FGF13: variants seen among roughly 807,000 people sequenced by gnomAD.
FGF13 encodes fibroblast growth factor 13.
A neutral mutation model predicts 19.5 loss-of-function variants in FGF13; 2 were observed. The observed-to-expected ratio is 0.10, with a 90% confidence interval of 0.04 to 0.32. The LOEUF (loss-of-function observed/expected upper bound fraction) is 0.32, where lower values mean the gene tolerates loss of function less well. Ranked by LOEUF, FGF13 falls within the 10% of genes least tolerant of loss-of-function variation. The pLI is 1.00. For synonymous variants in FGF13, 72 were observed against 76.9 expected, an observed-to-expected ratio of 0.94 and a Z score of 0.33; for missense variants, 113 against 192.7, an observed-to-expected ratio of 0.59 and a Z score of 2.45.
chrX:139,056,605 C>A (rs1236594886), intron 1 of FGF13, among the ~76,000 whole-genome samples: 1 of 112,253 alleles, frequency 8.9e-6, no homozygotes, highest in Non-Finnish European at 1.9e-5. Flanking sequence ...CAATAAACAT[C>A]CTTTTAAAAG....
chrX:139,142,720 A>C (rs759768926), intron 1 of FGF13, among the ~76,000 whole-genome samples: 1 of 111,947 alleles, frequency 8.9e-6, no homozygotes. Flanking sequence ...AGTTGTTGTG[A>C]GAATTAAATG....
intron 2 of FGF13, among the ~76,000 whole-genome samples, chrX:138,703,783 C>T (rs755173447): frequency 8.9e-5 from 10 of 112,344 alleles, no homozygotes; most frequent in African/African-American, 1.3e-4. Flanking sequence ...GGCCCGATCT[C>T]GGCTCACCAC....
rs144916246 is a variant in FGF13 at position 139,173,773 on chromosome X, G to A, written c.-113+29643C>T. On this transcript the variant is annotated intron_variant, in intron 1 of 2. Coordinates refer to the FGF13 transcript ENST00000421460. The stretch of plus-strand genomic sequence containing the variant: ...CTGCATAGAATTCCATGGTGTATAT[G>A]TGCCACATTTTCTTTATCCAGTCTA... Among the ~76,000 whole-genome samples, 1,058 of 111,925 alleles carry A rather than the reference G, an allele frequency of 9.5e-3. 10 individuals carry two copies. The highest frequency in any genetic ancestry group is 0.031 in the African/African-American group (960 of 30,782).
intron 1 of FGF13, among the ~76,000 whole-genome samples, chrX:139,031,614 A>G (rs775714067): frequency 8.1e-5 from 9 of 110,596 alleles, no homozygotes; most frequent in Non-Finnish European, 1.5e-4. Flanking sequence ...AATAGAATCT[A>G]AAATATGTTC....
intron 1 of FGF13, among the ~76,000 whole-genome samples, chrX:138,898,660 T>G (rs985815595): frequency 9.0e-6 from 1 of 111,021 alleles, no homozygotes; most frequent in African/African-American, 3.3e-5. Context: ...TATTGAGAGG[T>G]GATTAAATGC....
At chrX:139,034,219 C>T (rs182864480) in intron 1 of FGF13, among the ~76,000 whole-genome samples, 4 of 111,676 alleles carry the variant, frequency 3.6e-5, no homozygotes, top group Admixed American at 9.5e-5. Flanking sequence ...ACAGAAGAGA[C>T]GGATGTTCAC....
At chrX:138,833,360 T>C (rs761129864) in intron 3 of FGF13, among the ~76,000 whole-genome samples, 62 of 111,844 alleles carry the variant, frequency 5.5e-4, no homozygotes, top group Non-Finnish European at 9.8e-4. Flanking sequence ...GCGATTCTTA[T>C]TGCAGAGATC....
intron 1 of FGF13, among the ~76,000 whole-genome samples, chrX:138,982,328 G>A (rs2091967320): frequency 9.0e-6 from 1 of 111,519 alleles, no homozygotes; most frequent in Admixed American, 9.5e-5. Context: ...TTTTTTCTCT[G>A]ATTTCAAGCT....
intron 1 of FGF13, among the ~76,000 whole-genome samples, chrX:139,086,910 G>T (rs1165998269): frequency 8.9e-6 from 1 of 112,580 alleles, no homozygotes; most frequent in Admixed American, 9.4e-5. Flanking sequence ...GGGGAGAGAT[G>T]TATGTTATTA....
intron 1 of FGF13, among the ~76,000 whole-genome samples, chrX:139,202,841 G>A (rs1483804863): frequency 9.0e-6 from 1 of 111,235 alleles, no homozygotes; most frequent in African/African-American, 3.3e-5. Flanking sequence ...GACTCCCTGC[G>A]CTGCAACCTC....
At chrX:139,077,571 C>T (rs2083340971) in intron 1 of FGF13, among the ~76,000 whole-genome samples, 1 of 111,314 alleles carries the variant, frequency 9.0e-6, no homozygotes, top group Non-Finnish European at 1.9e-5. Context: ...TACATATATA[C>T]TTTTATGAGG....
At chrX:138,999,585 G>A in intron 1 of FGF13, among the ~76,000 whole-genome samples, 1 of 111,963 alleles carries the variant, frequency 8.9e-6, no homozygotes, top group East Asian at 2.8e-4. Flanking sequence ...AGAAAAACTA[G>A]AAGAAATGGA....
intron 3 of FGF13, among the ~76,000 whole-genome samples, chrX:138,809,597 G>A (rs7050052): frequency 9.0e-6 from 1 of 111,181 alleles, no homozygotes; most frequent in African/African-American, 3.3e-5. Flanking sequence ...TCTGGCCAGG[G>A]CAATCAAGCA....
chrX:138,874,960 G>A (rs2091379409), intron 1 of FGF13, among the ~76,000 whole-genome samples: 1 of 111,359 alleles, frequency 9.0e-6, no homozygotes, highest in Non-Finnish European at 1.9e-5. Context: ...TGCAGCTTGT[G>A]ACTGGGCGAG....
intron 3 of FGF13, among the ~76,000 whole-genome samples, chrX:138,820,619 G>A (rs2090993326): frequency 8.9e-6 from 1 of 111,959 alleles, no homozygotes; most frequent in African/African-American, 3.2e-5. Context: ...GCTAACCTCT[G>A]CTCTGAGCTC....
intron 1 of FGF13, among the ~76,000 whole-genome samples, chrX:139,028,296 T>C (rs1357938453): frequency 8.9e-6 from 1 of 111,926 alleles, no homozygotes; most frequent in Non-Finnish European, 1.9e-5. Flanking sequence ...ACAATGGTAT[T>C]GAGACTACCT....
chrX:138,787,722 C>T lies in FGF13; in HGVS notation c.217+69790G>A, dbSNP rs757510767. Among the ~76,000 whole-genome samples the T allele has an allele frequency of 2.7e-5, 3 of 109,593 alleles. No individual in the cohort carries two copies. In the East Asian group the frequency reaches 8.7e-4, roughly 32 times the overall value. On this transcript the variant is annotated intron_variant, in intron 3 of 6. Transcript: ENST00000436198. ...TCTCCCTCCCTTTGCCCCCCACCCCCCAACAGGCCCTGGTGTGTGTTGTTC... is the reference window on the plus strand; with the variant it reads ...TCTCCCTCCCTTTGCCCCCCACCCCTCAACAGGCCCTGGTGTGTGTTGTTC...
At chrX:138,690,963 T>C (rs1157744966) in intron 3 of FGF13, among the ~76,000 whole-genome samples, 1 of 111,498 alleles carries the variant, frequency 9.0e-6, no homozygotes, top group African/African-American at 3.3e-5. Flanking sequence ...ATCAACATGA[T>C]CATGGTTTGG....
rs538112283 is a variant in FGF13 at position 138,833,491 on chromosome X, A to G, written c.217+24021T>C. Among the ~76,000 whole-genome samples the G allele has an allele frequency of 2.7e-4, 30 of 111,755 alleles. No individual in the cohort carries two copies. In the South Asian group the frequency reaches 0.011, roughly 40 times the overall value. On this transcript the variant is annotated intron_variant, in intron 3 of 6. Coordinates refer to the FGF13 transcript ENST00000436198. ...TGTTGGTGTACAGGAATGCTAGTGA[A>G]TTTTGCACACTGATTTTGTATCCTG...
Sources: allele counts gnomAD v4.1 joint callset (sites outside exome capture counted in the v4.1 genomes callset), GRCh38; gene constraint gnomAD v4.1.1; transcripts MANE v1.5; gene names NCBI Gene and HGNC (gene_info 2026-07-23, HGNC 2026-07-21).